The following ZNF723 variants were observed in gnomAD, a reference collection of about 807,000 sequenced individuals.
ZNF723 encodes the protein zinc finger protein 723.
Under a neutral mutation model 9.4 loss-of-function variants are expected in ZNF723, and 5 were observed. The ratio of observed to expected loss-of-function variants is 0.53; its 90% CI spans 0.28 to 1.12. The LOEUF is 1.12. ZNF723 is among the 50% of genes most tolerant of loss of function. The pLI is 0.10. For missense variants in ZNF723, 450 were observed against 501.5 expected, an observed-to-expected ratio of 0.90 and a Z score of 0.98; for synonymous variants, 158 against 168.8, an observed-to-expected ratio of 0.94 and a Z score of 0.49.
Position 22,857,473 on chromosome 19 carries a change from T to C in ZNF723, c.582T>C (p.Asn194=), listed in dbSNP as rs1967496034. The change falls in exon 4 of 4, where the codon AAT becomes AAC. Residue 194 remains asparagine (N), a synonymous_variant. Coordinates refer to ENST00000600766, the MANE Select transcript of ZNF723 (RefSeq NM_001349726.2). ...CACACCTAACTAAACATGAAAGAAA[T>C]CATACTAGAGTGAATTGTTACAAAT... The part of the protein sequence containing the change: ...MLSHLTKHER[N]HTRVNCYKCE... 4 of 1,092,176 alleles carry C rather than the reference T, an allele frequency of 3.7e-6. No individual in the cohort carries two copies. In the Admixed American group the frequency reaches 7.2e-5, roughly 20 times the overall value. 67.7% of individuals were successfully genotyped at this position (1,092,176 alleles called of 1,614,324 possible).
chr19:22,853,385 C>T (rs944599904), intron 3 of ZNF723, among the ~76,000 whole-genome samples: 7 of 152,110 alleles, frequency 4.6e-5, no homozygotes, highest in African/African-American at 1.7e-4. Context: ...ATCATTAAAT[C>T]TGTAGATTAC....
intron 1 of ZNF723, among the ~76,000 whole-genome samples, chr19:22,844,888 C>T (rs1326393300): frequency 2.0e-5 from 3 of 152,096 alleles, no homozygotes; most frequent in African/African-American, 7.2e-5. Context: ...GAGGCCGAGG[C>T]GGGTGGATCA....
intron 1 of ZNF723, among the ~76,000 whole-genome samples, chr19:22,842,299 G>A (rs1410162006): frequency 6.6e-6 from 1 of 152,080 alleles, no homozygotes; most frequent in Non-Finnish European, 1.5e-5. Context: ...GAGCCACTGC[G>A]CCTGGTCCTG....
Position 22,848,359 on chromosome 19 carries a change from A to G in ZNF723, c.102A>G (p.Leu34=), listed in dbSNP as rs1170608848. Residue 34 remains leucine (L), a synonymous_variant, in exon 2 of 4, where the codon TTA becomes TTG. Coordinates refer to ENST00000600766, the MANE Select transcript of ZNF723 (RefSeq NM_001349726.2). The part of the protein sequence containing the change: ...AQQNLYRDVM[L]ENYRNLVFLG... ...AGAATTTATATAGGGATGTGATGTT[A>G]GAGAACTACAGAAACCTGGTCTTCC... The G allele has an allele frequency of 2.0e-6, 3 of 1,471,734 alleles. No individual in the cohort carries two copies. Among genetic ancestry groups the G allele is most frequent in the Non-Finnish European group, 2.8e-6 (3 of 1,055,252 alleles). 91.2% of individuals were successfully genotyped at this position (1,471,734 alleles called of 1,614,324 possible). A position where few individuals can be genotyped will look rare whatever the true frequency, so the allele number is the denominator to read the frequency against.
chr19:22,853,126 CTATA>C (rs1384672161), intron 3 of ZNF723, among the ~76,000 whole-genome samples: 1 of 151,830 alleles, frequency 6.6e-6, no homozygotes, highest in Non-Finnish European at 1.5e-5. Flanking sequence ...CTTTATATAA[CTATA>C]TATATGACAG....
chr19:22,848,121 AT>A, intron 1 of ZNF723, 139 bp from the exon 2 acceptor site: 1 of 379,188 alleles, frequency 2.6e-6, no homozygotes, highest in Non-Finnish European at 4.7e-6. Context: ...AAAAAAAAAA[AT>A]TATTGGAGGA....
chr19:22,829,845 G>A (rs746748263), upstream of ZNF723, among the ~76,000 whole-genome samples: 10 of 151,994 alleles, frequency 6.6e-5, no homozygotes, highest in Non-Finnish European at 1.5e-4. Flanking sequence ...TTCAAATCAC[G>A]TTCAAATAAG....
intron 1 of ZNF723, among the ~76,000 whole-genome samples, chr19:22,838,496 G>A (rs560165764): frequency 6.6e-6 from 1 of 151,980 alleles, no homozygotes; most frequent in South Asian, 2.1e-4. Context: ...AGGTTGTGGT[G>A]AGCTGAGATC....
Position 22,848,243 on chromosome 19 carries a change from T to C in ZNF723, c.4-18T>C, listed in dbSNP as rs1967341543. 1.1e-6 allele frequency: 1 copy of C among 936,280 alleles called. No individual in the cohort carries two copies. 58.0% of individuals were successfully genotyped at this position (936,280 alleles called of 1,614,324 possible). On this transcript the variant is annotated intron_variant, in intron 1 of 3. Coordinates refer to ENST00000600766, the MANE Select transcript of ZNF723 (RefSeq NM_001349726.2). ...CCCGGTAAATATGTGTGTATGTGTGTGTGTGTTTTTTTTTCAGGGACCATT... is the reference window on the plus strand; with the variant it reads ...CCCGGTAAATATGTGTGTATGTGTGCGTGTGTTTTTTTTTCAGGGACCATT...
At chr19:22,813,129 A>G in the ZNF723 span, among the ~76,000 whole-genome samples, 1 of 152,062 alleles carries the variant, frequency 6.6e-6, no homozygotes, top group East Asian at 1.9e-4. Context: ...ACCCGCCACC[A>G]TGCCTGGCTA....
the ZNF723 span, among the ~76,000 whole-genome samples, chr19:22,821,123 G>T: frequency 6.6e-6 from 1 of 152,208 alleles, no homozygotes; most frequent in East Asian, 1.9e-4. Context: ...CATTAAGACG[G>T]TGACTCATGT....
At chr19:22,837,276 T>TA (rs35892606) in intron 1 of ZNF723, among the ~76,000 whole-genome samples, 270 of 124,946 alleles carry the variant, frequency 2.2e-3, no homozygotes, top group Admixed American at 3.1e-3. Flanking sequence ...GACTCTGGCT[T>TA]AAAAAAAAAA....
the ZNF723 span, among the ~76,000 whole-genome samples, chr19:22,815,359 C>T: frequency 6.6e-6 from 1 of 152,094 alleles, no homozygotes; most frequent in Non-Finnish European, 1.5e-5. Context: ...GACCCAGGCA[C>T]CAGGTGATGT....
At chr19:22,851,126 GTCTC>G (rs1349002628) in intron 3 of ZNF723, among the ~76,000 whole-genome samples, 4 of 151,834 alleles carry the variant, frequency 2.6e-5, no homozygotes, top group Non-Finnish European at 5.9e-5. Context: ...TTCTATATGT[GTCTC>G]TATATTTACA....
chr19:22,833,443 T>C (rs1599469910), intron 1 of ZNF723, among the ~76,000 whole-genome samples: 1 of 149,210 alleles, frequency 6.7e-6, no homozygotes, highest in East Asian at 2.1e-4. Context: ...GAGCCACCGC[T>C]TCTGGCTATG....
chr19:22,858,052 T>A lies in ZNF723; in HGVS notation c.1161T>A (p.His387Gln). The A allele has an allele frequency of 6.6e-7, 1 of 1,523,000 alleles. No homozygotes were observed. The highest frequency in any genetic ancestry group is 9.1e-7 in the Non-Finnish European group (1 of 1,098,340). 94.3% of individuals were successfully genotyped at this position (1,523,000 alleles called of 1,614,324 possible). Residue 387 changes from histidine (H) to glutamine (Q), a missense_variant, in exon 4 of 4, where the codon CAT becomes CAA. Coordinates refer to ENST00000600766, the MANE Select transcript of ZNF723 (RefSeq NM_001349726.2). ...AFKVSVHLTTHKRIHTGEKPY... is the reference protein window; with the variant it reads ...AFKVSVHLTTQKRIHTGEKPY... ...AAGTATCTGTACACCTTACTACACA[T>A]AAGAGAATTCATACTGGAGAGAAAC... is the stretch of plus-strand genomic sequence containing the variant.
chr19:22,816,871 GTGT>G, the ZNF723 span, among the ~76,000 whole-genome samples: 2 of 152,234 alleles, frequency 1.3e-5, no homozygotes, highest in Non-Finnish European at 2.9e-5. Context: ...ACACAAGATA[GTGT>G]GACATATCTT....
chr19:22,838,359 C>T (rs1022345622), intron 1 of ZNF723, among the ~76,000 whole-genome samples: 2 of 152,024 alleles, frequency 1.3e-5, no homozygotes, highest in Non-Finnish European at 2.9e-5. Flanking sequence ...TGAGACCAGC[C>T]TGACCAACAT....
chr19:22,856,228 G>A (rs1967476865), intron 3 of ZNF723, among the ~76,000 whole-genome samples: 1 of 152,100 alleles, frequency 6.6e-6, no homozygotes, highest in South Asian at 2.1e-4. Flanking sequence ...CGAAGTGCTG[G>A]GATTATAGAC....
Sources: gnomAD v4.1 joint callset for allele counts (sites outside exome capture counted in the v4.1 genomes callset) on GRCh38, gnomAD v4.1.1 for gene constraint, MANE v1.5 for transcripts, NCBI Gene and HGNC (gene_info 2026-07-23, HGNC 2026-07-21) for gene names.